The following PKP4 variants were observed in gnomAD, a reference collection of about 807,000 sequenced individuals.
The protein encoded by PKP4 is plakophilin-4.
A neutral mutation model predicts 145.1 loss-of-function variants in PKP4; 90 were observed. That is an observed-to-expected ratio of 0.62 (90% CI 0.52 to 0.74). The LOEUF (loss-of-function observed/expected upper bound fraction) is 0.74. Ranked by LOEUF, PKP4 falls within the 30% of genes least tolerant of loss-of-function variation. The probability of loss-of-function intolerance (pLI) is 0.00; values close to 1 mark genes in which losing one functional copy is unlikely to be tolerated. For synonymous variants in PKP4, 563 were observed against 577.2 expected (o/e 0.98, Z 0.35); for missense variants, 1,340 against 1,482.7 (o/e 0.90, Z 1.58).
chr2:158,488,385 T>C (rs967657375), intron 1 of PKP4, among the ~76,000 whole-genome samples: 3 of 152,240 alleles, frequency 2.0e-5, no homozygotes. Context: ...TTATTCTGAC[T>C]GTTGAAGCTT....
chr2:158,666,020 G>A (rs189818709), intron 15 of PKP4: 2 of 153,636 alleles, frequency 1.3e-5, no homozygotes, highest in East Asian at 1.9e-4. Flanking sequence ...CCTTTCATGT[G>A]TGCTGATGGG....
chr2:158,563,116 T>C (rs1315969585), intron 2 of PKP4, among the ~76,000 whole-genome samples: 1 of 152,198 alleles, frequency 6.6e-6, no homozygotes, highest in Non-Finnish European at 1.5e-5. Flanking sequence ...TAAGATGTTA[T>C]ATATTTCATG....
At chr2:158,507,244 C>G in intron 1 of PKP4, among the ~76,000 whole-genome samples, 1 of 152,158 alleles carries the variant, frequency 6.6e-6, no homozygotes, top group African/African-American at 2.4e-5. Context: ...GCATTCAACT[C>G]TAGAGAGAAT....
intron 1 of PKP4, among the ~76,000 whole-genome samples, chr2:158,530,769 A>AT (rs1411894135): frequency 6.6e-6 from 1 of 152,034 alleles, no homozygotes; most frequent in Non-Finnish European, 1.5e-5. Context: ...GACAGGTACC[A>AT]TTGGCTTTGC....
intron 1 of PKP4, among the ~76,000 whole-genome samples, chr2:158,505,518 A>G (rs182631352): frequency 2.6e-5 from 4 of 152,282 alleles, no homozygotes; most frequent in Admixed American, 2.0e-4. Context: ...CAGCTGTTGC[A>G]GTTGATAAAC....
intron 2 of PKP4, among the ~76,000 whole-genome samples, chr2:158,560,689 A>G (rs932327751): frequency 6.6e-6 from 1 of 152,180 alleles, no homozygotes; most frequent in Admixed American, 6.5e-5. Flanking sequence ...AAAAATTTAT[A>G]TTTTACTTTA....
At chr2:158,496,806 C>A (rs1204122375) in intron 1 of PKP4, among the ~76,000 whole-genome samples, 2 of 134,024 alleles carry the variant, frequency 1.5e-5, no homozygotes. Flanking sequence ...CTGTGTGTCT[C>A]ACTCTCTCTG....
chr2:158,515,054 T>G (rs546115553), intron 1 of PKP4, among the ~76,000 whole-genome samples: 27 of 152,370 alleles, frequency 1.8e-4, no homozygotes, highest in African/African-American at 6.3e-4. Context: ...AACTGTTGAC[T>G]TTGCTTTTTT....
chr2:158,542,858 T>C (rs2044643607), intron 2 of PKP4, among the ~76,000 whole-genome samples: 1 of 152,158 alleles, frequency 6.6e-6, no homozygotes, highest in Admixed American at 6.5e-5. Flanking sequence ...TCTAGAAAAA[T>C]TGTAATTGTG....
chr2:158,617,970 G>A (rs1188150607), intron 4 of PKP4, among the ~76,000 whole-genome samples: 1 of 152,114 alleles, frequency 6.6e-6, no homozygotes, highest in Non-Finnish European at 1.5e-5. Flanking sequence ...ATCACTTAGG[G>A]TCAGGAGTTT....
chr2:158,495,416 A>T (rs1695550234), intron 1 of PKP4, among the ~76,000 whole-genome samples: 1 of 151,904 alleles, frequency 6.6e-6, no homozygotes. Flanking sequence ...TGTGCTATAT[A>T]AGGAAATAAT....
Position 158,663,057 on chromosome 2 carries a change from AAAAG to A in PKP4, c.2376_2379del (p.Lys793ArgfsTer34). ...CCAAGTTGCTGGGGGAAGAAGAAGA[AAAAG>A]AAAAAGAGGACTCCGCAAGAAGATC... On this transcript the variant is annotated frameshift_variant, in exon 14 of 22. Transcript: ENST00000389759. LOFTEE classifies it high-confidence loss of function. 1 of 1,611,686 alleles carries A rather than the reference AAAAG, an allele frequency of 6.2e-7. No homozygotes were observed. Among genetic ancestry groups the A allele is most frequent in the Non-Finnish European group, 8.5e-7 (1 of 1,179,380 alleles).
At chr2:158,601,662 G>A (rs1280926426) in intron 3 of PKP4, among the ~76,000 whole-genome samples, 1 of 152,150 alleles carries the variant, frequency 6.6e-6, no homozygotes, top group Non-Finnish European at 1.5e-5. Context: ...AGCATTAACT[G>A]ATTGACTCCA....
chr2:158,590,442 T>C (rs1465835227), intron 3 of PKP4, among the ~76,000 whole-genome samples: 8 of 151,524 alleles, frequency 5.3e-5, no homozygotes, highest in Admixed American at 5.3e-4. Context: ...GTGTAGTCTT[T>C]GCTTCAGTCC....
intron 2 of PKP4, among the ~76,000 whole-genome samples, chr2:158,574,502 C>T (rs1404526898): frequency 6.6e-6 from 1 of 152,180 alleles, no homozygotes; most frequent in Non-Finnish European, 1.5e-5. Context: ...CCTCATCAGT[C>T]AGTCAAAGAG....
rs772673284 is a variant in PKP4 at position 158,625,320 on chromosome 2, A to C, written c.1046A>C (p.His349Pro). The change falls in exon 7 of 22, where the codon CAT becomes CCT. Residue 349 changes from histidine to proline, a missense_variant. Transcript: ENST00000389759. Reference protein sequence around the residue: ...KRSGMTAVPQHLGPSLQRTVH... With the variant: ...KRSGMTAVPQPLGPSLQRTVH... ...TCAGGGATGACCGCCGTACCACAGC[A>C]TCTGGGACCTTCACTGCAAAGGACT... 6.2e-7 allele frequency: 1 copy of C among 1,614,210 alleles called. No individual in the cohort carries two copies.
intron 6 of PKP4, 55 bp downstream of exon 6, chr2:158,621,476 T>G (rs1233136231): frequency 1.4e-6 from 2 of 1,435,474 alleles, no homozygotes; most frequent in African/African-American, 2.8e-5. Flanking sequence ...CCGGGCACAG[T>G]GGCTCATGCC....
intron 2 of PKP4, among the ~76,000 whole-genome samples, chr2:158,534,634 G>A (rs994182481): frequency 2.0e-5 from 3 of 152,174 alleles, no homozygotes; most frequent in Non-Finnish European, 2.9e-5. Context: ...TTGGTGAAAC[G>A]TGGTAAATTT....
chr2:158,562,095 TC>T lies in PKP4; in HGVS notation c.133-15175del, dbSNP rs202054824. 8.5e-3 allele frequency among the ~76,000 whole-genome samples: 1,296 copies of T among 152,290 alleles called. 17 individuals are homozygous for T. Among genetic ancestry groups the T allele is most frequent in the African/African-American group, 0.029 (1,190 of 41,560 alleles). ...TTGAATTTTGTGAAAGTTAGTAGTT[TC>T]TTGATGGGAAAAGAAGCCAGGAGAG... On this transcript the variant is annotated intron_variant, in intron 2 of 21. Transcript: ENST00000389759.
Sources: allele counts gnomAD v4.1 joint callset (sites outside exome capture counted in the v4.1 genomes callset), GRCh38; gene constraint gnomAD v4.1.1; transcripts MANE v1.5; gene names NCBI Gene and HGNC (gene_info 2026-07-23, HGNC 2026-07-21).